The following ASAP1 variants were observed in gnomAD, a reference collection of about 807,000 sequenced individuals.
ASAP1 encodes the protein arf-GAP with SH3 domain, ANK repeat and PH domain-containing protein 1.
ASAP1 carries 43 observed loss-of-function variants against 145.2 expected under a neutral mutation model. That is an observed-to-expected ratio of 0.30 (90% CI 0.23 to 0.38). The LOEUF (loss-of-function observed/expected upper bound fraction) is 0.38, where lower values mean the gene tolerates loss of function less well. Ranked by LOEUF, ASAP1 falls within the 10% of genes least tolerant of loss-of-function variation. ASAP1 has a pLI of 1.00. For missense variants in ASAP1, 1,018 were observed against 1,355.3 expected (o/e 0.75, Z 3.91); for synonymous variants, 546 against 515.5 (o/e 1.06, Z -0.80).
chr8:130,112,218 T>C lies in ASAP1; in HGVS notation c.2277A>G (p.Pro759=). 6.2e-7 allele frequency: 1 copy of C among 1,614,150 alleles called. No individual in the cohort carries two copies. The highest frequency in any genetic ancestry group is 8.5e-7 in the Non-Finnish European group (1 of 1,180,022). ...CATAGGAGAGCCGCTGTTTGTCCCTTGGAGTGCTGAATCCTGGCAGTGCCA... is the reference window on the plus strand; with the variant it reads ...CATAGGAGAGCCGCTGTTTGTCCCTCGGAGTGCTGAATCCTGGCAGTGCCA... ...DKLALPGFST[P]RDKQRLSYGA... The change falls in exon 24 of 30, where the codon CCA becomes CCG. Residue 759 remains proline (P), a synonymous_variant. Coordinates refer to ENST00000518721, the MANE Select transcript of ASAP1 (RefSeq NM_018482.4).
rs1332826704 is a variant in ASAP1 at position 130,072,791 on chromosome 8, ATATG to A, written c.2701+3553_2701+3556del. ...TTCTGAAGGCCTGGACTTGCAATTG[ATATG>A]TGTGTGTGTGTGTGTGTGTGTGTGT... On this transcript the variant is annotated intron_variant, in intron 27 of 29. Transcript: ENST00000518721. Among the ~76,000 whole-genome samples the A allele has an allele frequency of 4.0e-3, 362 of 91,228 alleles. 22 individuals carry two copies. The highest frequency in any genetic ancestry group is 0.014 in the African/African-American group (356 of 24,746). 59.8% of individuals were successfully genotyped at this position (91,228 alleles called of 152,430 possible). A position where few individuals can be genotyped will look rare whatever the true frequency, so the allele number is the denominator to read the frequency against.
chr8:130,277,614 T>C (rs536725618), intron 3 of ASAP1, among the ~76,000 whole-genome samples: 8 of 152,246 alleles, frequency 5.3e-5, no homozygotes, highest in South Asian at 2.1e-4. Context: ...ATAGTCTAAA[T>C]CTAACAGGGC....
intron 1 of ASAP1, among the ~76,000 whole-genome samples, chr8:130,435,045 C>A (rs555638954): frequency 6.6e-6 from 1 of 152,300 alleles, no homozygotes; most frequent in African/African-American, 2.4e-5. Context: ...GCTGTCCCAT[C>A]GGCCTTGAAG....
chr8:130,402,051 G>C (rs1828821506), intron 1 of ASAP1, 81 bp from the exon 2 acceptor site: 1 of 884,662 alleles, frequency 1.1e-6, no homozygotes, highest in Non-Finnish European at 1.8e-6. Context: ...ACCAAGATCG[G>C]ATTTCATATG....
chr8:130,214,560 T>G lies in ASAP1; in HGVS notation c.401A>C (p.Asn134Thr). The G allele has an allele frequency of 6.3e-7, 1 of 1,596,066 alleles. No individual in the cohort carries two copies. ...CTCACATATGAAATGTCTTACCAGA[T>G]TTTTCAGCAGTGTGGACAGTTCCTT... Reference protein sequence around the residue: ...LTKELSTLLKNLLQGLSHNVI... With the variant: ...LTKELSTLLKTLLQGLSHNVI... The change falls in exon 5 of 30, where the codon AAT (asparagine) becomes ACT (threonine). Residue 134 changes from asparagine (N) to threonine (T), a missense_variant. Asn to Thr is a moderately conservative substitution (Grantham distance 65). Coordinates refer to ENST00000518721, the MANE Select transcript of ASAP1 (RefSeq NM_018482.4).
At chr8:130,115,496 CA>C in intron 23 of ASAP1, 131 bp downstream of exon 23, 1 of 726,166 alleles carries the variant, frequency 1.4e-6, no homozygotes, top group South Asian at 1.7e-5. Flanking sequence ...AAGGACTGAA[CA>C]ACATAAATGG....
Position 130,300,145 on chromosome 8 carries a change from C to G in ASAP1, c.186+57872G>C, listed in dbSNP as rs1208824561. On this transcript the variant is annotated intron_variant, in intron 3 of 29. Coordinates refer to ENST00000518721, the MANE Select transcript of ASAP1 (RefSeq NM_018482.4). ...ACACACACACACACACACACACACA[C>G]ACACACACAGAGAGAGAGAGAGAGA... Among the ~76,000 whole-genome samples, 480 of 107,250 alleles carry G rather than the reference C, an allele frequency of 4.5e-3. 5 individuals are homozygous for G. The highest frequency in any genetic ancestry group is 0.019 in the African/African-American group (454 of 24,272). 70.4% of individuals were successfully genotyped at this position (107,250 alleles called of 152,430 possible).
intron 3 of ASAP1, among the ~76,000 whole-genome samples, chr8:130,355,684 C>T (rs767976405): frequency 3.0e-4 from 46 of 152,084 alleles, no homozygotes; most frequent in Non-Finnish European, 5.1e-4. Context: ...TTGTGACCCA[C>T]CTAAGATATT....
intron 2 of ASAP1, among the ~76,000 whole-genome samples, chr8:130,373,881 G>A (rs1827350101): frequency 6.8e-6 from 1 of 148,076 alleles, no homozygotes; most frequent in South Asian, 2.1e-4. Flanking sequence ...AGATAAACCT[G>A]TGTAATAAAA....
rs181379557 is a variant in ASAP1 at position 130,139,005 on chromosome 8, T to G, written c.1081-1967A>C. 7.0e-4 allele frequency among the ~76,000 whole-genome samples: 107 copies of G among 152,188 alleles called. 2 individuals are homozygous for G. The highest frequency in any genetic ancestry group is 4.4e-5 in the Non-Finnish European group (3 of 68,044). ...TGATAAAATTGCTGACTTTCTCATA[T>G]AAATGACAATGGCATATGACCACCT... On this transcript the variant is annotated intron_variant, in intron 13 of 29. Coordinates refer to ENST00000518721, the MANE Select transcript of ASAP1 (RefSeq NM_018482.4).
intron 3 of ASAP1, among the ~76,000 whole-genome samples, chr8:130,265,903 C>T (rs147002238): frequency 2.0e-5 from 3 of 152,270 alleles, no homozygotes; most frequent in African/African-American, 7.2e-5. Context: ...AGAAGGACTT[C>T]CAGTGTTACA....
At chr8:130,166,328 C>T (rs2097679791) in intron 11 of ASAP1, among the ~76,000 whole-genome samples, 2 of 152,194 alleles carry the variant, frequency 1.3e-5, no homozygotes, top group Admixed American at 1.3e-4. Context: ...AATTTCATAA[C>T]AAAAACAGGC....
Position 130,101,897 on chromosome 8 carries a change from T to C in ASAP1, c.2402-9754A>G, listed in dbSNP as rs746074660. ...TTTTTCTTGATTTTTTAAAGCTAGT[T>C]TGTTACTGGTGTATAGAAACACTAC... On this transcript the variant is annotated intron_variant, in intron 24 of 29. Coordinates refer to ENST00000518721, the MANE Select transcript of ASAP1 (RefSeq NM_018482.4). Among the ~76,000 whole-genome samples, 5 of 152,080 alleles carry C rather than the reference T, an allele frequency of 3.3e-5. No individual in the cohort carries two copies. In the East Asian group the frequency reaches 9.6e-4, roughly 29 times the overall value.
chr8:130,352,248 G>A (rs1826040827), intron 3 of ASAP1, among the ~76,000 whole-genome samples: 1 of 142,778 alleles, frequency 7.0e-6, no homozygotes, highest in Non-Finnish European at 1.5e-5. Flanking sequence ...CAATCTCCTT[G>A]GGGGTAATTA....
At chr8:130,343,723 G>GA (rs555748910) in intron 3 of ASAP1, among the ~76,000 whole-genome samples, 95 of 152,318 alleles carry the variant, frequency 6.2e-4, no homozygotes, top group South Asian at 3.1e-3. Flanking sequence ...GTGAACAACA[G>GA]GTCCTCCCTT....
In ASAP1 at chr8:130,124,059, C is replaced by T. The variant is rs771415084; in HGVS notation, c.1561G>A (p.Ala521Thr). ...GNNSFNDIME[A>T]NLPSPSPKPT... ...TTTGGTGAGGGGCTGGGTAAATTTGCTTCCATAATATCATTAAAACTATTG... is the reference window on the plus strand; with the variant it reads ...TTTGGTGAGGGGCTGGGTAAATTTGTTTCCATAATATCATTAAAACTATTG... Residue 521 changes from alanine to threonine, a missense_variant, in exon 18 of 30, where the codon GCA becomes ACA. Transcript: ENST00000518721. 6.2e-7 allele frequency: 1 copy of T among 1,607,674 alleles called. No homozygotes were observed.
rs142513366 is a variant in ASAP1 at position 130,338,120 on chromosome 8, C to T, written c.186+19897G>A. ...GACCTAAGGAGCCTGTGATGCTTTA[C>T]ATGCATTCGTTCACCTCACCCTCAC... On this transcript the variant is annotated intron_variant, in intron 3 of 29. Coordinates refer to ENST00000518721, the MANE Select transcript of ASAP1 (RefSeq NM_018482.4). Among the ~76,000 whole-genome samples, 758 of 152,314 alleles carry T rather than the reference C, an allele frequency of 5.0e-3. 6 individuals are homozygous for T. The highest frequency in any genetic ancestry group is 0.017 in the African/African-American group (722 of 41,566).
At chr8:130,345,737 C>T (rs931391125) in intron 3 of ASAP1, among the ~76,000 whole-genome samples, 1 of 152,174 alleles carries the variant, frequency 6.6e-6, no homozygotes, top group Non-Finnish European at 1.5e-5. Flanking sequence ...CCAAGAAAGC[C>T]AAGGCAGGCC....
At chr8:130,169,697 C>A (rs1356458234) in intron 9 of ASAP1, among the ~76,000 whole-genome samples, 2 of 152,344 alleles carry the variant, frequency 1.3e-5, no homozygotes, top group East Asian at 3.9e-4. Flanking sequence ...AGCACATGCC[C>A]AGTACTGCAC....
Sources: allele counts gnomAD v4.1 joint callset (sites outside exome capture counted in the v4.1 genomes callset), GRCh38; gene constraint gnomAD v4.1.1; transcripts MANE v1.5; gene names NCBI Gene and HGNC (gene_info 2026-07-23, HGNC 2026-07-21).